Variants in TSNARE1 observed in about 807,000 individuals in gnomAD.
TSNARE1 encodes the protein t-SNARE domain-containing protein 1.
TSNARE1 carries 49 observed loss-of-function variants against 62.0 expected under a neutral mutation model. The ratio of observed to expected loss-of-function variants is 0.79; its 90% CI spans 0.63 to 1.00. The LOEUF (loss-of-function observed/expected upper bound fraction) is 1.00, where lower values mean the gene tolerates loss of function less well. TSNARE1 is among the 50% of genes least tolerant of loss of function. The pLI, the probability that TSNARE1 is intolerant of heterozygous loss-of-function variation, is 0.00. For synonymous variants in TSNARE1, 328 were observed against 294.4 expected, an observed-to-expected ratio of 1.11 and a Z score of -1.17; for missense variants, 755 against 700.1, an observed-to-expected ratio of 1.08 and a Z score of -0.88.
chr8:142,237,721 G>A lies in TSNARE1; in HGVS notation c.1447-8142C>T, dbSNP rs149406481. On this transcript the variant is annotated intron_variant, in intron 12 of 13. Coordinates refer to ENST00000524325, the MANE Select transcript of TSNARE1 (RefSeq NM_145003.5). ...CATGCTTGGACACTGTCACTCCAAGGATGGAGTCATGCGGTCCCACCAGCA... is the reference window on the plus strand; with the variant it reads ...CATGCTTGGACACTGTCACTCCAAGAATGGAGTCATGCGGTCCCACCAGCA... 2.2e-3 allele frequency among the ~76,000 whole-genome samples: 338 copies of A among 152,314 alleles called. 1 individual carries two copies. Among genetic ancestry groups the A allele is most frequent in the Admixed American group, 6.9e-3 (105 of 15,306 alleles).
intron 13 of TSNARE1, among the ~76,000 whole-genome samples, chr8:142,217,352 AAAGAAAGAAAGAAAGAAAG>A (rs1815917939): frequency 7.1e-6 from 1 of 141,258 alleles, no homozygotes; most frequent in African/African-American, 2.6e-5. Flanking sequence ...AGAAAGAAAG[AAAGAAAGAAAGAAAGAAAG>A]AAAAAAGGGA....
intron 10 of TSNARE1, among the ~76,000 whole-genome samples, chr8:142,287,248 C>T (rs1311137978): frequency 1.8e-4 from 25 of 140,512 alleles, no homozygotes; most frequent in African/African-American, 6.5e-4. Flanking sequence ...ACCCAGGACC[C>T]CGGCCAGATC....
chr8:142,275,538 T>C lies in TSNARE1; in HGVS notation c.1364-675A>G, dbSNP rs1820325583. ...CCGGAAGATTCCATGCTCAGCATTGTCTTCCACCCAAAGGAAGGACACATG... is the reference window on the plus strand; with the variant it reads ...CCGGAAGATTCCATGCTCAGCATTGCCTTCCACCCAAAGGAAGGACACATG... On this transcript the variant is annotated intron_variant, in intron 11 of 13. Transcript: ENST00000524325. 7.1e-6 allele frequency: 7 copies of C among 985,388 alleles called. No individual in the cohort carries two copies. In the South Asian group the frequency reaches 3.3e-4, roughly 46 times the overall value. The allele number at this position is 985,388 out of a possible 1,614,324, so 61.0% of individuals were successfully genotyped here.
intron 12 of TSNARE1, among the ~76,000 whole-genome samples, chr8:142,256,370 T>TCACTATCACCACCAC (rs1818566374): frequency 3.8e-3 from 2 of 522 alleles, no homozygotes; most frequent in Non-Finnish European, 8.3e-3. Context: ...ACCACCATCA[T>TCACTATCACCACCAC]CACCACCATC....
chr8:142,280,352 G>C (rs932944884), intron 11 of TSNARE1: 1 of 983,828 alleles, frequency 1.0e-6, no homozygotes, highest in Non-Finnish European at 1.2e-6. Flanking sequence ...GCTGAGCAGG[G>C]GGCAGAGACC....
chr8:142,239,691 C>T (rs1026536099), intron 12 of TSNARE1, among the ~76,000 whole-genome samples: 5 of 152,162 alleles, frequency 3.3e-5, no homozygotes, highest in Admixed American at 6.5e-5. Flanking sequence ...CAGGAAAACC[C>T]GAGTGGGGCC....
chr8:142,354,716 G>C lies in TSNARE1; in HGVS notation c.9C>G (p.Tyr3Ter), dbSNP rs570010659. The change falls in exon 2 of 14, where the codon TAC (tyrosine) becomes TAG (stop). Residue 3 changes from tyrosine (Y) to a stop codon, truncating the protein, a stop_gained. Transcript: ENST00000524325. LOFTEE classifies it high-confidence loss of function. MS[Y>*]GSIARGGGLG... is the part of the protein sequence containing the mutation. ...GGCCACCTCCACGGGCGATGGATCCGTATGACATCTTCTTACAGATGGCAG... is the reference window on the plus strand; with the variant it reads ...GGCCACCTCCACGGGCGATGGATCCCTATGACATCTTCTTACAGATGGCAG... The C allele has an allele frequency of 6.2e-7, 1 of 1,613,142 alleles. No individual in the cohort carries two copies. The highest frequency in any genetic ancestry group is 1.3e-5 in the African/African-American group (1 of 74,848).
chr8:142,318,771 A>G lies in TSNARE1; in HGVS notation c.894-137T>C. 4.2e-6 allele frequency: 3 copies of G among 716,200 alleles called. No individual in the cohort carries two copies. In the East Asian group the frequency reaches 8.0e-5, roughly 19 times the overall value. 44.4% of individuals were successfully genotyped at this position (716,200 alleles called of 1,614,324 possible). A position where few individuals can be genotyped will look rare whatever the true frequency, so the allele number is the denominator to read the frequency against. On this transcript the variant is annotated intron_variant, in intron 6 of 13. Transcript: ENST00000524325. ...GACAGATGGATGGACAGGCGGAGAG[A>G]GGGCCGAGAGACACACAGAGACAGA...
chr8:142,394,566 A>G (rs7387891), intron 1 of TSNARE1, among the ~76,000 whole-genome samples: 73,475 of 152,074 alleles, frequency 0.48, 20,486 homozygotes, highest in African/African-American at 0.76. Flanking sequence ...CCCATTTCCC[A>G]TGGCGCAGTG....
intron 7 of TSNARE1, among the ~76,000 whole-genome samples, chr8:142,317,369 G>A (rs1284531684): frequency 6.9e-6 from 1 of 144,082 alleles, no homozygotes; most frequent in Non-Finnish European, 1.6e-5. Context: ...CGTGAAGCGG[G>A]TATGGCCAGC....
chr8:142,275,466 A>G, intron 11 of TSNARE1: 1 of 985,382 alleles, frequency 1.0e-6, no homozygotes, highest in Non-Finnish European at 1.2e-6. Context: ...CCACATCAGC[A>G]GGGCCCACGG....
chr8:142,257,257 C>T (rs1028142223), intron 12 of TSNARE1, among the ~76,000 whole-genome samples: 1 of 152,194 alleles, frequency 6.6e-6, no homozygotes, highest in Non-Finnish European at 1.5e-5. Context: ...GGTTCCCAGG[C>T]CCTCCTAGCT....
At chr8:142,333,888 G>A (rs1042384277) in intron 4 of TSNARE1, among the ~76,000 whole-genome samples, 2 of 150,982 alleles carry the variant, frequency 1.3e-5, no homozygotes, top group African/African-American at 5.0e-5. Flanking sequence ...CCATCACCCA[G>A]CACCCACCAC....
At chr8:142,392,098 A>G (rs879450865) in intron 1 of TSNARE1, among the ~76,000 whole-genome samples, 1 of 152,132 alleles carries the variant, frequency 6.6e-6, no homozygotes, top group Admixed American at 6.5e-5. Flanking sequence ...ATCTCAGTTT[A>G]CTGCAACCTC....
intron 11 of TSNARE1, chr8:142,276,566 T>G: frequency 1.0e-6 from 1 of 985,400 alleles, no homozygotes; most frequent in Non-Finnish European, 1.2e-6. Context: ...GCCATGGTGG[T>G]CTGGGCTAAC....
intron 12 of TSNARE1, among the ~76,000 whole-genome samples, chr8:142,245,919 A>G (rs2130234487): frequency 6.6e-6 from 1 of 152,302 alleles, no homozygotes; most frequent in East Asian, 1.9e-4. Context: ...TGCAACAACA[A>G]TACTGAGACA....
At chr8:142,250,078 T>A (rs1317934282) in intron 12 of TSNARE1, among the ~76,000 whole-genome samples, 1 of 152,036 alleles carries the variant, frequency 6.6e-6, no homozygotes, top group Admixed American at 6.5e-5. Flanking sequence ...TTCTTCAGAG[T>A]GCGCCGCATG....
intron 12 of TSNARE1, among the ~76,000 whole-genome samples, chr8:142,242,235 C>G (rs1817697288): frequency 6.6e-6 from 1 of 152,264 alleles, no homozygotes; most frequent in African/African-American, 2.4e-5. Flanking sequence ...ACTACAATCT[C>G]CATCTCATGC....
chr8:142,310,293 G>A (rs377317957), intron 9 of TSNARE1, among the ~76,000 whole-genome samples: 10 of 152,124 alleles, frequency 6.6e-5, no homozygotes, highest in African/African-American at 2.4e-4. Flanking sequence ...ATGATGCGAG[G>A]ACGTCATGAC....
Sources: gnomAD v4.1 joint callset for allele counts (sites outside exome capture counted in the v4.1 genomes callset) on GRCh38, gnomAD v4.1.1 for gene constraint, MANE v1.5 for transcripts, NCBI Gene and HGNC (gene_info 2026-07-23, HGNC 2026-07-21) for gene names.